SOHLH2: variants seen among roughly 807,000 people sequenced by gnomAD.
SOHLH2 encodes spermatogenesis- and oogenesis-specific basic helix-loop-helix-containing protein 2.
SOHLH2 carries 22 observed loss-of-function variants against 50.4 expected under a neutral mutation model. The ratio of observed to expected loss-of-function variants is 0.44; its 90% CI spans 0.31 to 0.62. The LOEUF (loss-of-function observed/expected upper bound fraction) is 0.62. SOHLH2 is among the 20% of genes least tolerant of loss of function. The pLI is 0.08. For synonymous variants in SOHLH2, 185 were observed against 187.3 expected (o/e 0.99, Z 0.10); for missense variants, 412 against 504.4 (o/e 0.82, Z 1.76).
intron 2 of SOHLH2, among the ~76,000 whole-genome samples, chr13:36,199,435 G>A (rs1482732571): frequency 6.6e-6 from 1 of 152,154 alleles, no homozygotes; most frequent in African/African-American, 2.4e-5. Flanking sequence ...GCATTCACTG[G>A]AGCTACAGCA....
At chr13:36,177,701 T>C (rs1008047601) in intron 6 of SOHLH2, among the ~76,000 whole-genome samples, 3 of 152,160 alleles carry the variant, frequency 2.0e-5, no homozygotes, top group Non-Finnish European at 4.4e-5. Flanking sequence ...TTTTGGGCAC[T>C]TGTATAGCTT....
intron 6 of SOHLH2, among the ~76,000 whole-genome samples, chr13:36,183,868 A>G (rs563061127): frequency 6.6e-6 from 1 of 152,336 alleles, no homozygotes; most frequent in African/African-American, 2.4e-5. Flanking sequence ...GCAAGAAGAC[A>G]GGCATCTAAC....
chr13:36,193,764 T>C, intron 3 of SOHLH2, 39 bp from the exon 4 acceptor site: 1 of 1,602,368 alleles, frequency 6.2e-7, no homozygotes, highest in East Asian at 2.2e-5. Flanking sequence ...TTATAGTTTC[T>C]ATTTAGAGAA....
At chr13:36,178,861 C>A (rs1165572960) in intron 6 of SOHLH2, among the ~76,000 whole-genome samples, 2 of 149,372 alleles carry the variant, frequency 1.3e-5, no homozygotes, top group African/African-American at 2.5e-5. Flanking sequence ...TATCCTAAAG[C>A]TATTTTATTC....
chr13:36,184,513 A>G lies in SOHLH2; in HGVS notation c.641+5433T>C, dbSNP rs552058394. On this transcript the variant is annotated intron_variant, in intron 6 of 10. Coordinates refer to ENST00000379881, the MANE Select transcript of SOHLH2 (RefSeq NM_017826.3). ...GTCTTGCTCTTGCCCAGGCTGGAGT[A>G]CAGTGGCGCTATCTCGGCTCACTGC... Among the ~76,000 whole-genome samples, 271 of 129,122 alleles carry G rather than the reference A, an allele frequency of 2.1e-3. 3 individuals are homozygous for G. In the Middle Eastern group the frequency reaches 0.021, roughly 10 times the overall value. 84.7% of individuals were successfully genotyped at this position (129,122 alleles called of 152,430 possible).
intron 6 of SOHLH2, among the ~76,000 whole-genome samples, chr13:36,185,765 C>A (rs1347851467): frequency 2.0e-5 from 3 of 151,780 alleles, no homozygotes; most frequent in Admixed American, 6.6e-5. Flanking sequence ...ATTAAATGGA[C>A]AAATTTCTTG....
At chr13:36,170,401 A>G in intron 10 of SOHLH2, 130 bp downstream of exon 10, 1 of 1,415,884 alleles carries the variant, frequency 7.1e-7, no homozygotes. Flanking sequence ...TCATCAGGGT[A>G]GAGAGACTCA....
chr13:36,174,593 G>A, intron 7 of SOHLH2, 26 bp from the exon 8 acceptor site: 1 of 1,612,196 alleles, frequency 6.2e-7, no homozygotes, highest in South Asian at 1.1e-5. Flanking sequence ...ATATATTTAG[G>A]TAGATACCGA....
At chr13:36,199,444 C>G (rs1887832458) in intron 2 of SOHLH2, among the ~76,000 whole-genome samples, 1 of 152,202 alleles carries the variant, frequency 6.6e-6, no homozygotes, top group Non-Finnish European at 1.5e-5. Flanking sequence ...GGAGCTACAG[C>G]AAGGCAGATA....
At position 36,201,066 on chromosome 13, in the gene SOHLH2, A is replaced by G. The variant is rs1039876293; in HGVS notation, c.263+813T>C. 3.3e-5 allele frequency among the ~76,000 whole-genome samples: 5 copies of G among 150,812 alleles called. No homozygotes were observed. In the South Asian group the frequency reaches 6.3e-4, roughly 19 times the overall value. ...TCTGCCTCAAAAAAAAAAAAAAAAA[A>G]AAAAAGAAAAGAAAAGAAGCAGAAC... On this transcript the variant is annotated intron_variant, in intron 2 of 10. Coordinates refer to ENST00000379881, the MANE Select transcript of SOHLH2 (RefSeq NM_017826.3).
chr13:36,197,614 T>A (rs1186788411), intron 2 of SOHLH2, among the ~76,000 whole-genome samples: 3 of 152,174 alleles, frequency 2.0e-5, no homozygotes, highest in Non-Finnish European at 4.4e-5. Context: ...TGGGTTGTGG[T>A]TTTCTTGAGT....
intron 6 of SOHLH2, among the ~76,000 whole-genome samples, chr13:36,180,543 G>A (rs910012187): frequency 6.7e-6 from 1 of 150,324 alleles, no homozygotes; most frequent in Non-Finnish European, 1.5e-5. Context: ...GTGCCATAGT[G>A]GTTTGCTGAT....
intron 1 of SOHLH2, among the ~76,000 whole-genome samples, chr13:36,208,647 C>T (rs531172031): frequency 6.6e-6 from 1 of 152,236 alleles, no homozygotes; most frequent in Admixed American, 6.5e-5. Flanking sequence ...TTAACATTTA[C>T]ACTTAATTTT....
Position 36,174,417 on chromosome 13 carries a change from C to G in SOHLH2, c.881+59G>C. 5 of 1,601,060 alleles carry G rather than the reference C, an allele frequency of 3.1e-6. No homozygotes were observed. In the Middle Eastern group the frequency reaches 8.4e-4, roughly 268 times the overall value. On this transcript the variant is annotated intron_variant, in intron 8 of 10. Coordinates refer to ENST00000379881, the MANE Select transcript of SOHLH2 (RefSeq NM_017826.3). The stretch of plus-strand genomic sequence containing the variant: ...TAGCAGTTTTTGTGTACATATTTAG[C>G]ATCAACATGGGAGGAAAATAACTAG...
At chr13:36,174,920 T>G in intron 6 of SOHLH2, 51 bp from the exon 7 acceptor site, 1 of 1,526,454 alleles carries the variant, frequency 6.6e-7, no homozygotes, top group Non-Finnish European at 8.7e-7. Context: ...ATTGTCTTCA[T>G]TGTACCCAAA....
Position 36,189,982 on chromosome 13 carries a change from A to T in SOHLH2, c.605T>A (p.Ile202Asn). The change falls in exon 6 of 11, where the codon ATC becomes AAC. Residue 202 changes from isoleucine to asparagine, a missense_variant. Ile to Asn is a moderately radical substitution (Grantham distance 149, BLOSUM62 -3). Transcript: ENST00000379881. ...TTCCTTGCTTGAATGAAGAAGAGAG[A>T]TCTTTTTGTTTTTCTCGAACTCTGA... The part of the protein sequence containing the change: ...SLSEFEKNKK[I>N]SLLHSSKEKL... 6.2e-7 allele frequency: 1 copy of T among 1,606,270 alleles called. No homozygotes were observed. Among genetic ancestry groups the T allele is most frequent in the Non-Finnish European group, 8.5e-7 (1 of 1,175,172 alleles).
chr13:36,184,460 CTT>C lies in SOHLH2; in HGVS notation c.641+5484_641+5485del, dbSNP rs1229884029. On this transcript the variant is annotated intron_variant, in intron 6 of 10. Coordinates refer to ENST00000379881, the MANE Select transcript of SOHLH2 (RefSeq NM_017826.3). ...GATGGAAGTTTCTACCTACAAAGACCTTTTTTTTTTTTTTTTTTTGAGACGGA... is the reference window on the plus strand; with the variant it reads ...GATGGAAGTTTCTACCTACAAAGACCTTTTTTTTTTTTTTTTTGAGACGGA... Among the ~76,000 whole-genome samples the C allele has an allele frequency of 3.1e-4, 38 of 121,164 alleles. 1 individual carries two copies. The highest frequency in any genetic ancestry group is 1.5e-3 in the South Asian group (5 of 3,400). 79.5% of individuals were successfully genotyped at this position (121,164 alleles called of 152,430 possible).
chr13:36,182,762 TAAAC>T (rs1365724213), intron 6 of SOHLH2: 1 of 152,268 alleles, frequency 6.6e-6, no homozygotes. Context: ...TGAGATATGA[TAAAC>T]AGTTTGTTGA....
Position 36,168,819 on chromosome 13 carries a change from A to G in SOHLH2, c.*215T>C. The G allele has an allele frequency of 1.5e-6, 1 of 665,430 alleles. No homozygotes were observed. Among genetic ancestry groups the G allele is most frequent in the East Asian group, 3.2e-5 (1 of 30,864 alleles). 41.2% of individuals were successfully genotyped at this position (665,430 alleles called of 1,614,324 possible). A position where few individuals can be genotyped will look rare whatever the true frequency, so the allele number is the denominator to read the frequency against. On this transcript the variant is annotated 3_prime_UTR_variant, in exon 11 of 11. Coordinates refer to ENST00000379881, the MANE Select transcript of SOHLH2 (RefSeq NM_017826.3). The stretch of plus-strand genomic sequence containing the variant: ...CTGGCTGGCGGGGATCCAAGTGTGT[A>G]TGAAGATGAGTGACAGTGTGTGGCC...
Sources: gnomAD v4.1 joint callset for allele counts (sites outside exome capture counted in the v4.1 genomes callset) on GRCh38, gnomAD v4.1.1 for gene constraint, MANE v1.5 for transcripts, NCBI Gene and HGNC (gene_info 2026-07-23, HGNC 2026-07-21) for gene names.